Variants in CNKSR2 observed in about 807,000 individuals in gnomAD.
CNKSR2 encodes connector enhancer of kinase suppressor of Ras 2, also known as CNK homolog protein 2.
A neutral mutation model predicts 84.4 loss-of-function variants in CNKSR2; 14 were observed. The observed-to-expected ratio is 0.17, with a 90% CI of 0.11 to 0.26. The LOEUF (loss-of-function observed/expected upper bound fraction) is 0.26, where lower values mean the gene tolerates loss of function less well. CNKSR2 is among the 10% of genes least tolerant of loss of function. The pLI is 1.00. For missense variants in CNKSR2, 485 were observed against 771.2 expected, an observed-to-expected ratio of 0.63 and a Z score of 4.40; for synonymous variants, 275 against 277.9, an observed-to-expected ratio of 0.99 and a Z score of 0.10.
chrX:21,455,500 C>T (rs2090985155), intron 4 of CNKSR2, among the ~76,000 whole-genome samples: 1 of 111,688 alleles, frequency 9.0e-6, no homozygotes, highest in Admixed American at 9.5e-5. Context: ...CTTTTATACC[C>T]AAAGCCATTC....
chrX:21,596,881 A>G (rs967038230), intron 17 of CNKSR2, among the ~76,000 whole-genome samples: 1 of 111,852 alleles, frequency 8.9e-6, no homozygotes, highest in African/African-American at 3.2e-5. Context: ...AAATGAAAAT[A>G]TTTATTCACA....
At chrX:21,524,274 A>G (rs2091813061) in intron 9 of CNKSR2, among the ~76,000 whole-genome samples, 1 of 111,161 alleles carries the variant, frequency 9.0e-6, no homozygotes, top group South Asian at 3.7e-4. Flanking sequence ...GAGTTAAGCA[A>G]TAGGATTGAC....
chrX:21,462,029 C>T (rs950763223), intron 4 of CNKSR2, among the ~76,000 whole-genome samples: 1 of 111,281 alleles, frequency 9.0e-6, no homozygotes, highest in Non-Finnish European at 1.9e-5. Flanking sequence ...TTTGTGGTTC[C>T]GTATACATTT....
At chrX:21,497,933 A>G (rs1279825594) in intron 7 of CNKSR2, 87 bp downstream of exon 7, 2 of 507,122 alleles carry the variant, frequency 3.9e-6, no homozygotes, top group Non-Finnish European at 7.2e-6. Context: ...TGAGGTTAAC[A>G]TCTAAGGATA....
intron 1 of CNKSR2, among the ~76,000 whole-genome samples, chrX:21,398,060 C>T (rs952400833): frequency 9.0e-6 from 1 of 111,555 alleles, no homozygotes; most frequent in African/African-American, 3.3e-5. Context: ...AAGATTCCGA[C>T]ATCCTAGTGT....
At chrX:21,374,994 C>T (rs745467970) in intron 1 of CNKSR2, 33 bp downstream of exon 1, 1 of 1,141,597 alleles carries the variant, frequency 8.8e-7, no homozygotes. Flanking sequence ...TGAGGCGGCA[C>T]TGGGGCGCGG....
At chrX:21,509,345 A>G (rs945784024) in intron 8 of CNKSR2, among the ~76,000 whole-genome samples, 1 of 111,836 alleles carries the variant, frequency 8.9e-6, no homozygotes, top group Non-Finnish European at 1.9e-5. Context: ...AAGACATTAA[A>G]TTGTCGGCTT....
chrX:21,416,317 A>G (rs2090421942), intron 1 of CNKSR2, among the ~76,000 whole-genome samples: 2 of 111,898 alleles, frequency 1.8e-5, no homozygotes, highest in Non-Finnish European at 3.8e-5. Context: ...TGATCGTTTT[A>G]AAGTAATATT....
intron 13 of CNKSR2, among the ~76,000 whole-genome samples, chrX:21,567,853 G>A (rs1032638620): frequency 1.8e-4 from 19 of 106,424 alleles, no homozygotes; most frequent in African/African-American, 6.2e-4. Flanking sequence ...AAATTCAGAT[G>A]TGGTAAGAAA....
intron 20 of CNKSR2, among the ~76,000 whole-genome samples, chrX:21,613,961 A>G (rs1304016906): frequency 9.1e-6 from 1 of 110,315 alleles, no homozygotes; most frequent in Non-Finnish European, 1.9e-5. Context: ...AAAGAAAGAA[A>G]GAAAAAAAAT....
chrX:21,500,044 C>A (rs2091543283), intron 7 of CNKSR2, among the ~76,000 whole-genome samples: 1 of 110,884 alleles, frequency 9.0e-6, no homozygotes, highest in African/African-American at 3.3e-5. Context: ...ACAATCTTTT[C>A]AGAATTGTTT....
chrX:21,649,431 G>A (rs1371706162), intron 21 of CNKSR2, among the ~76,000 whole-genome samples: 1 of 112,404 alleles, frequency 8.9e-6, no homozygotes, highest in East Asian at 2.8e-4. Flanking sequence ...AAAAGAGTTT[G>A]AGATATTTCG....
At chrX:21,399,433 A>G (rs966152100) in intron 1 of CNKSR2, among the ~76,000 whole-genome samples, 1 of 111,718 alleles carries the variant, frequency 9.0e-6, no homozygotes, top group African/African-American at 3.2e-5. Context: ...CTATCTTTGT[A>G]GTCTTACTTG....
intron 8 of CNKSR2, among the ~76,000 whole-genome samples, chrX:21,511,608 G>A (rs1052883201): frequency 9.0e-6 from 1 of 110,609 alleles, no homozygotes; most frequent in African/African-American, 3.3e-5. Context: ...TTATAAGTGA[G>A]AGAAAAATTA....
intron 8 of CNKSR2, chrX:21,504,596 G>T (rs2091593757): frequency 3.9e-6 from 1 of 258,797 alleles, no homozygotes; most frequent in Non-Finnish European, 6.8e-6. Flanking sequence ...ATTTCCCTAA[G>T]AGTCTAAGAA....
chrX:21,469,580 A>G (rs889888284), intron 4 of CNKSR2, among the ~76,000 whole-genome samples: 1 of 110,872 alleles, frequency 9.0e-6, no homozygotes, highest in Non-Finnish European at 1.9e-5. Context: ...AATAATAATT[A>G]ATTTTATTTT....
intron 9 of CNKSR2, among the ~76,000 whole-genome samples, chrX:21,518,756 CTAAT>C (rs1400954573): frequency 9.0e-6 from 1 of 111,712 alleles, no homozygotes; most frequent in Middle Eastern, 4.2e-3. Flanking sequence ...CATCAGATCA[CTAAT>C]TATTTTTATT....
chrX:21,391,174 A>G (rs1286742947), intron 1 of CNKSR2, among the ~76,000 whole-genome samples: 2 of 112,214 alleles, frequency 1.8e-5, no homozygotes, highest in Non-Finnish European at 3.8e-5. Flanking sequence ...ACATGGTGCA[A>G]GCTGTTGGTA....
chrX:21,426,588 A>T lies in CNKSR2; in HGVS notation c.156A>T (p.Leu52=). The T allele has an allele frequency of 8.3e-7, 1 of 1,208,870 alleles. No homozygotes were observed. The highest frequency in any genetic ancestry group is 1.7e-5 in the African/African-American group (1 of 57,610). Residue 52 remains leucine, a synonymous_variant, in exon 2 of 22, where the codon CTA becomes CTT. Coordinates refer to ENST00000379510, the MANE Select transcript of CNKSR2 (RefSeq NM_014927.5). The stretch of plus-strand genomic sequence containing the variant: ...TGCTGCGCATTACACATCAGGAGCT[A>T]GAAGATCTGGGGGTCAGCCGCATTG... ...DQLLRITHQE[L]EDLGVSRIGH... is the part of the protein sequence containing the mutation.
Sources: allele counts gnomAD v4.1 joint callset (sites outside exome capture counted in the v4.1 genomes callset), GRCh38; gene constraint gnomAD v4.1.1; transcripts MANE v1.5; gene names NCBI Gene and HGNC (gene_info 2026-07-23, HGNC 2026-07-21).